The following RALY variants were observed in gnomAD, a reference collection of about 807,000 sequenced individuals.
RALY encodes the protein RALY heterogeneous nuclear ribonucleoprotein, also known as RNA-binding protein Raly.
In RALY, 15 loss-of-function variants were observed where a neutral mutation model predicts 30.7. The ratio of observed to expected loss-of-function variants is 0.49; its 90% CI spans 0.33 to 0.75. The LOEUF (loss-of-function observed/expected upper bound fraction) is 0.75. Ranked by LOEUF, RALY falls within the 30% of genes least tolerant of loss-of-function variation. The pLI, the probability that RALY is intolerant of heterozygous loss-of-function variation, is 0.02. For missense variants in RALY, 339 were observed against 414.3 expected (o/e 0.82, Z 1.58); for synonymous variants, 177 against 170.8 (o/e 1.04, Z -0.28).
chr20:34,030,226 A>G (rs2123093372), intron 1 of RALY, among the ~76,000 whole-genome samples: 1 of 152,342 alleles, frequency 6.6e-6, no homozygotes, highest in South Asian at 2.1e-4. Flanking sequence ...TCTGGGTTCA[A>G]ATCCCAGCTC....
intron 2 of RALY, among the ~76,000 whole-genome samples, chr20:34,040,260 G>GT (rs1182172197): frequency 6.6e-6 from 1 of 152,100 alleles, no homozygotes; most frequent in Non-Finnish European, 1.5e-5. Context: ...TCATTCCAGA[G>GT]TTTTTTTCCC....
intron 2 of RALY, chr20:34,065,084 A>G (rs1284688218): frequency 6.6e-6 from 1 of 152,240 alleles, no homozygotes; most frequent in Non-Finnish European, 1.5e-5. Flanking sequence ...AGTAGAGCAG[A>G]AGACTGGTGA....
At chr20:34,033,528 G>T (rs1299760947) in intron 2 of RALY, among the ~76,000 whole-genome samples, 1 of 152,172 alleles carries the variant, frequency 6.6e-6, no homozygotes, top group Non-Finnish European at 1.5e-5. Context: ...GTAGAAATCA[G>T]ATGGTAAGAA....
At chr20:34,010,124 T>G (rs766598281) in intron 1 of RALY, among the ~76,000 whole-genome samples, 3 of 152,208 alleles carry the variant, frequency 2.0e-5, no homozygotes, top group Non-Finnish European at 2.9e-5. Flanking sequence ...TGGCATTTTT[T>G]GCAATCCCTA....
intron 1 of RALY, among the ~76,000 whole-genome samples, chr20:34,015,437 C>T (rs1394334450): frequency 2.0e-5 from 3 of 151,622 alleles, no homozygotes; most frequent in Non-Finnish European, 2.9e-5. Flanking sequence ...TGCACTTTTC[C>T]TAGGTAACCC....
chr20:34,027,832 C>G (rs879653832), intron 1 of RALY, among the ~76,000 whole-genome samples: 5 of 152,232 alleles, frequency 3.3e-5, no homozygotes, highest in Admixed American at 3.3e-4. Context: ...TAACTCTGCC[C>G]TTTTCCTCAC....
intron 2 of RALY, among the ~76,000 whole-genome samples, chr20:34,045,210 C>T (rs938534873): frequency 1.3e-5 from 2 of 152,082 alleles, no homozygotes; most frequent in African/African-American, 4.8e-5. Context: ...CCACTGTGCC[C>T]AGCGTAGAAC....
Position 34,072,299 on chromosome 20 carries a change from G to T in RALY, c.225G>T (p.Glu75Asp). Residue 75 changes from glutamate (E) to aspartate (D), a missense_variant, in exon 3 of 10, where the codon GAG becomes GAT. Glu to Asp is a conservative substitution (Grantham distance 45). Coordinates refer to ENST00000246194, the MANE Select transcript of RALY (RefSeq NM_016732.3). ...ERHARAAVLGENGRVLAGQTL... is the reference protein window; with the variant it reads ...ERHARAAVLGDNGRVLAGQTL... The stretch of plus-strand genomic sequence containing the variant: ...ATGCCCGGGCAGCTGTGCTGGGAGA[G>T]AATGGGCGGGTGCTGGCCGGGCAGA... 1 of 1,613,696 alleles carries T rather than the reference G, an allele frequency of 6.2e-7. No individual in the cohort carries two copies. Among genetic ancestry groups the T allele is most frequent in the Non-Finnish European group, 8.5e-7 (1 of 1,180,036 alleles).
chr20:34,001,243 T>C (rs897348156), intron 1 of RALY, among the ~76,000 whole-genome samples: 1 of 152,218 alleles, frequency 6.6e-6, no homozygotes, highest in African/African-American at 2.4e-5. Flanking sequence ...GCAAACTGTT[T>C]AAAATCACAT....
rs1356201054 is a variant in RALY, at chr20:33,997,316, C to T, written c.-93+3185C>T. On this transcript the variant is annotated intron_variant, in intron 1 of 9. Coordinates refer to ENST00000246194, the MANE Select transcript of RALY (RefSeq NM_016732.3). ...TTTTAGTACAGATAGGGTTTCACCA[C>T]GTTGGCCAGGCTGGCTTCGAACTCC... Among the ~76,000 whole-genome samples the T allele has an allele frequency of 4.6e-5, 7 of 152,114 alleles. No individual in the cohort carries two copies. The South Asian group carries it at 8.3e-4, about 18-fold the overall frequency.
At chr20:34,073,780 C>A in intron 4 of RALY, 39 bp from the exon 5 acceptor site, 1 of 1,608,178 alleles carries the variant, frequency 6.2e-7, no homozygotes, top group Non-Finnish European at 8.5e-7. Flanking sequence ...GCTGAGTGGC[C>A]GTCCCTAAGC....
At chr20:34,039,246 G>A (rs549544702) in intron 2 of RALY, among the ~76,000 whole-genome samples, 6 of 152,348 alleles carry the variant, frequency 3.9e-5, no homozygotes, top group South Asian at 4.1e-4. Context: ...TGCAGGGGCA[G>A]TGACCTGCCT....
chr20:34,048,707 T>G (rs1324224477), intron 2 of RALY, among the ~76,000 whole-genome samples: 1 of 150,680 alleles, frequency 6.6e-6, no homozygotes, highest in Non-Finnish European at 1.5e-5. Flanking sequence ...ATACAAAAAA[T>G]TAGCCGGGCG....
At chr20:34,008,940 A>G (rs894759812) in intron 1 of RALY, among the ~76,000 whole-genome samples, 1 of 152,050 alleles carries the variant, frequency 6.6e-6, no homozygotes, top group African/African-American at 2.4e-5. Context: ...ATTATGTGTG[A>G]GCCATTGCAC....
chr20:34,068,672 A>G (rs564976072), intron 2 of RALY, among the ~76,000 whole-genome samples: 1 of 152,348 alleles, frequency 6.6e-6, no homozygotes, highest in East Asian at 1.9e-4. Flanking sequence ...GATGTTCCCA[A>G]CAACCTGGAA....
At chr20:34,061,419 A>G (rs2033413698) in intron 2 of RALY, among the ~76,000 whole-genome samples, 1 of 152,232 alleles carries the variant, frequency 6.6e-6, no homozygotes, top group African/African-American at 2.4e-5. Context: ...GAAATGAAGT[A>G]AACTTCATGT....
chr20:34,073,066 G>A (rs1001745687), intron 3 of RALY, among the ~76,000 whole-genome samples: 2 of 152,162 alleles, frequency 1.3e-5, no homozygotes, highest in South Asian at 4.1e-4. Flanking sequence ...GCATGAAGGT[G>A]TTTGGTAGAA....
chr20:34,030,081 G>A (rs1174251564), intron 1 of RALY, among the ~76,000 whole-genome samples: 1 of 152,184 alleles, frequency 6.6e-6, no homozygotes, highest in African/African-American at 2.4e-5. Flanking sequence ...TGGAGAGGAT[G>A]TCAGGCTTGG....
intron 2 of RALY, among the ~76,000 whole-genome samples, chr20:34,038,011 A>G (rs1225358415): frequency 6.6e-6 from 1 of 152,130 alleles, no homozygotes; most frequent in Non-Finnish European, 1.5e-5. Context: ...ATATTTTATT[A>G]CTTTGGTTCC....
Sources: allele counts gnomAD v4.1 joint callset (sites outside exome capture counted in the v4.1 genomes callset), GRCh38; gene constraint gnomAD v4.1.1; transcripts MANE v1.5; gene names NCBI Gene and HGNC (gene_info 2026-07-23, HGNC 2026-07-21).